Variants in CPNE4 observed in about 807,000 individuals in gnomAD.
CPNE4 encodes the protein copine-4.
In CPNE4, 25 loss-of-function variants were observed where a neutral mutation model predicts 67.9. The observed-to-expected ratio is 0.37, with a 90% confidence interval of 0.27 to 0.51. CPNE4 has a LOEUF of 0.51. Ranked by LOEUF, CPNE4 falls within the 20% of genes least tolerant of loss-of-function variation. The probability of loss-of-function intolerance (pLI) is 0.93; values close to 1 mark genes in which losing one functional copy is unlikely to be tolerated. For synonymous variants in CPNE4, 242 were observed against 244.9 expected (o/e 0.99, Z 0.11); for missense variants, 464 against 690.8 (o/e 0.67, Z 3.68).
intron 1 of CPNE4, among the ~76,000 whole-genome samples, chr3:131,967,715 C>T (rs1413130542): frequency 6.6e-6 from 1 of 152,060 alleles, no homozygotes; most frequent in Admixed American, 6.6e-5. Flanking sequence ...AAGACACAAA[C>T]AAATAGAAAA....
Position 131,537,360 on chromosome 3 carries a change from T to C in CPNE4, c.1540-2031A>G, listed in dbSNP as rs1468188011. On this transcript the variant is annotated intron_variant, in intron 15 of 15. Coordinates refer to ENST00000429747, the MANE Select transcript of CPNE4 (RefSeq NM_130808.3). Reference sequence around the variant, plus strand: ...GTGCAGTGGTGCGATCTCAGCTCACTGTAACCTCCGCTTCCCGGATTCAAG... The same window carrying C: ...GTGCAGTGGTGCGATCTCAGCTCACCGTAACCTCCGCTTCCCGGATTCAAG... Among the ~76,000 whole-genome samples the C allele has an allele frequency of 2.7e-5, 4 of 148,754 alleles. No individual in the cohort carries two copies. In the Admixed American group the frequency reaches 2.7e-4, roughly 10 times the overall value.
chr3:131,738,049 A>T (rs1389817591), intron 2 of CPNE4, among the ~76,000 whole-genome samples: 2 of 152,100 alleles, frequency 1.3e-5, no homozygotes, highest in Non-Finnish European at 2.9e-5. Flanking sequence ...CATCCATCCT[A>T]ATGCATAGAG....
At chr3:131,840,629 G>C (rs1297287311) in intron 2 of CPNE4, among the ~76,000 whole-genome samples, 1 of 152,196 alleles carries the variant, frequency 6.6e-6, no homozygotes, top group Non-Finnish European at 1.5e-5. Context: ...CCTTTGAGGA[G>C]TCCTTTATGG....
intron 2 of CPNE4, among the ~76,000 whole-genome samples, chr3:131,805,291 G>C (rs1421540393): frequency 6.6e-6 from 1 of 152,180 alleles, no homozygotes. Flanking sequence ...ATGAGATAGG[G>C]AGCTCTCGTG....
intron 2 of CPNE4, among the ~76,000 whole-genome samples, chr3:131,864,996 CTGGATTGT>C (rs1332131345): frequency 6.6e-5 from 10 of 152,030 alleles, no homozygotes; most frequent in Non-Finnish European, 1.3e-4. Context: ...CATTTATATG[CTGGATTGT>C]GTTTATTGAT....
At chr3:131,951,382 T>A (rs551391963) in intron 1 of CPNE4, among the ~76,000 whole-genome samples, 4 of 152,358 alleles carry the variant, frequency 2.6e-5, no homozygotes, top group Non-Finnish European at 5.9e-5. Flanking sequence ...TTTTTAATAA[T>A]GTTTGTGGGT....
intron 2 of CPNE4, among the ~76,000 whole-genome samples, chr3:131,732,765 C>T (rs978999750): frequency 1.3e-5 from 2 of 152,182 alleles, no homozygotes; most frequent in Non-Finnish European, 2.9e-5. Context: ...CCTTAATGCT[C>T]TTAAAAATGT....
At chr3:131,810,420 A>G (rs1357917558) in intron 2 of CPNE4, among the ~76,000 whole-genome samples, 1 of 152,028 alleles carries the variant, frequency 6.6e-6, no homozygotes, top group African/African-American at 2.4e-5. Flanking sequence ...ATCCGAATAG[A>G]CATTTCTCCC....
rs994836354 is a variant in CPNE4, at chr3:131,852,994, T to C, written c.180+52270A>G. Among the ~76,000 whole-genome samples, 6 of 151,828 alleles carry C rather than the reference T, an allele frequency of 4.0e-5. No homozygotes were observed. The South Asian group carries it at 1.0e-3, about 26-fold the overall frequency. On this transcript the variant is annotated intron_variant, in intron 2 of 15. Coordinates refer to ENST00000429747, the MANE Select transcript of CPNE4 (RefSeq NM_130808.3). ...TAAATAAAAATGTAACATGTTAAGA[T>C]GTCAATTTTCCCCACGTTGATAGAT...
At chr3:131,688,436 A>G (rs936163093) in intron 5 of CPNE4, among the ~76,000 whole-genome samples, 1 of 152,078 alleles carries the variant, frequency 6.6e-6, no homozygotes, top group Non-Finnish European at 1.5e-5. Flanking sequence ...ACCTCTATGC[A>G]TTTACTCATT....
Position 131,765,058 on chromosome 3 carries a change from G to A in CPNE4, c.181-41433C>T, listed in dbSNP as rs969041961. ...TCACTGGTATTATCTTCCCTTCAAG[G>A]AGACTTGGTTCAAGCTTCTAGCATG... On this transcript the variant is annotated intron_variant, in intron 2 of 15. Coordinates refer to ENST00000429747, the MANE Select transcript of CPNE4 (RefSeq NM_130808.3). 3.9e-5 allele frequency among the ~76,000 whole-genome samples: 6 copies of A among 152,210 alleles called. No homozygotes were observed. The East Asian group carries it at 1.2e-3, about 29-fold the overall frequency.
chr3:131,715,492 C>T (rs774410096), intron 3 of CPNE4, among the ~76,000 whole-genome samples: 2 of 152,130 alleles, frequency 1.3e-5, no homozygotes, highest in Non-Finnish European at 2.9e-5. Flanking sequence ...CTAAAGAGAT[C>T]GACAACTTGC....
At chr3:131,726,493 G>A (rs571369204) in intron 2 of CPNE4, among the ~76,000 whole-genome samples, 3 of 152,242 alleles carry the variant, frequency 2.0e-5, no homozygotes, top group South Asian at 2.1e-4. Flanking sequence ...GACAATAAGC[G>A]AAGTGCTTGC....
chr3:131,837,407 A>C (rs1258373564), intron 2 of CPNE4, among the ~76,000 whole-genome samples: 2 of 152,098 alleles, frequency 1.3e-5, no homozygotes, highest in African/African-American at 4.8e-5. Flanking sequence ...CTCTGAAGAC[A>C]TTATTCTGAG....
upstream of CPNE4, among the ~76,000 whole-genome samples, chr3:132,038,814 C>A (rs1243891364): frequency 6.6e-6 from 1 of 151,976 alleles, no homozygotes; most frequent in Non-Finnish European, 1.5e-5. Context: ...TGTTATCTGC[C>A]CAGCCTATAT....
intron 1 of CPNE4, among the ~76,000 whole-genome samples, chr3:131,929,874 G>C (rs1407770480): frequency 6.6e-6 from 1 of 152,112 alleles, no homozygotes; most frequent in Non-Finnish European, 1.5e-5. Context: ...CAAGATTCTG[G>C]GAGCAGAGAA....
chr3:131,570,739 C>G (rs1937296090), intron 10 of CPNE4, among the ~76,000 whole-genome samples: 1 of 151,990 alleles, frequency 6.6e-6, no homozygotes. Context: ...AAATTGCATG[C>G]AAAACTGGAT....
At chr3:131,900,140 C>G (rs551690500) in intron 2 of CPNE4, among the ~76,000 whole-genome samples, 2 of 151,674 alleles carry the variant, frequency 1.3e-5, no homozygotes, top group Non-Finnish European at 2.9e-5. Context: ...AACAACTCTA[C>G]AGGAAAAAAA....
chr3:131,605,664 T>C (rs988310580), intron 7 of CPNE4, among the ~76,000 whole-genome samples: 12 of 151,978 alleles, frequency 7.9e-5, no homozygotes, highest in African/African-American at 2.4e-5. Flanking sequence ...GGAAGGGAAA[T>C]AGAAGTCCAA....
Sources: gnomAD v4.1 joint callset for allele counts (sites outside exome capture counted in the v4.1 genomes callset) on GRCh38, gnomAD v4.1.1 for gene constraint, MANE v1.5 for transcripts, NCBI Gene and HGNC (gene_info 2026-07-23, HGNC 2026-07-21) for gene names.